The following MAPKAP1 variants were observed in gnomAD, a reference collection of about 807,000 sequenced individuals.
The protein encoded by MAPKAP1 is MAPK associated protein 1, also known as target of rapamycin complex 2 subunit MAPKAP1.
Under a neutral mutation model 65.7 loss-of-function variants are expected in MAPKAP1, and 20 were observed. The observed-to-expected ratio is 0.30, with a 90% CI of 0.21 to 0.44. MAPKAP1 has a LOEUF of 0.44. Among genes scored for constraint, MAPKAP1 ranks in the 20% least tolerant of loss-of-function variants. The probability of loss-of-function intolerance (pLI) is 1.00; values close to 1 mark genes in which losing one functional copy is unlikely to be tolerated. For synonymous variants in MAPKAP1, 222 were observed against 244.3 expected, an observed-to-expected ratio of 0.91 and a Z score of 0.85; for missense variants, 423 against 648.0, an observed-to-expected ratio of 0.65 and a Z score of 3.77.
At chr9:125,453,635 T>C (rs1853047621) in intron 10 of MAPKAP1, among the ~76,000 whole-genome samples, 1 of 152,252 alleles carries the variant, frequency 6.6e-6, no homozygotes, top group African/African-American at 2.4e-5. Context: ...TTAATAAACT[T>C]TTTTGTATTC....
intron 7 of MAPKAP1, among the ~76,000 whole-genome samples, chr9:125,530,426 A>G (rs1356362085): frequency 6.6e-6 from 1 of 152,266 alleles, no homozygotes; most frequent in Non-Finnish European, 1.5e-5. Flanking sequence ...AGAAACAGCA[A>G]CAGGGTCTGT....
At chr9:125,453,845 C>T (rs537664236) in intron 10 of MAPKAP1, among the ~76,000 whole-genome samples, 7 of 152,270 alleles carry the variant, frequency 4.6e-5, no homozygotes, top group Admixed American at 1.3e-4. Flanking sequence ...AGTCTTTAAG[C>T]GATGAGAAGC....
At chr9:125,679,574 G>C (rs1488337104) in intron 1 of MAPKAP1, among the ~76,000 whole-genome samples, 2 of 151,846 alleles carry the variant, frequency 1.3e-5, no homozygotes, top group Non-Finnish European at 2.9e-5. Flanking sequence ...ACAGAGGAAG[G>C]GTTTACTTTA....
chr9:125,678,377 A>G lies in MAPKAP1; in HGVS notation c.-69-5734T>C, dbSNP rs538073190. ...CCTGCCTCAGCCTCCTGAGTAGCTA[A>G]GACTACAGGCGCCCGCCACCACGCC... On this transcript the variant is annotated intron_variant, in intron 1 of 11. Transcript: ENST00000265960. 4.0e-5 allele frequency among the ~76,000 whole-genome samples: 6 copies of G among 151,444 alleles called. No individual in the cohort carries two copies. In the South Asian group the frequency reaches 6.3e-4, roughly 16 times the overall value.
intron 1 of MAPKAP1, among the ~76,000 whole-genome samples, chr9:125,674,802 G>C (rs1834597080): frequency 6.6e-6 from 1 of 152,070 alleles, no homozygotes; most frequent in Non-Finnish European, 1.5e-5. Context: ...TGAGGCTAAT[G>C]GGAAATGCAA....
chr9:125,513,633 G>A (rs1205039945), intron 7 of MAPKAP1, among the ~76,000 whole-genome samples: 2 of 152,190 alleles, frequency 1.3e-5, no homozygotes, highest in East Asian at 3.8e-4. Flanking sequence ...ATGAGACAAT[G>A]CAGGACTTCC....
At chr9:125,456,149 C>CT (rs202117437) in intron 10 of MAPKAP1, among the ~76,000 whole-genome samples, 2 of 152,176 alleles carry the variant, frequency 1.3e-5, no homozygotes, top group African/African-American at 2.4e-5. Context: ...AATATGTCTT[C>CT]TTCGGCTGCT....
chr9:125,515,872 A>G (rs1375251724), intron 7 of MAPKAP1, among the ~76,000 whole-genome samples: 2 of 152,056 alleles, frequency 1.3e-5, no homozygotes, highest in African/African-American at 4.8e-5. Flanking sequence ...GCAAGCCCCA[A>G]AACTGTGAAG....
intron 5 of MAPKAP1, among the ~76,000 whole-genome samples, chr9:125,564,084 CT>C (rs1830976697): frequency 6.6e-6 from 1 of 152,184 alleles, no homozygotes; most frequent in African/African-American, 2.4e-5. Flanking sequence ...TGTGTTCTTG[CT>C]TTTCACAGTG....
In MAPKAP1 at chr9:125,627,648, A is replaced by T. The variant is rs538763168; in HGVS notation, c.498+30003T>A. Among the ~76,000 whole-genome samples the T allele has an allele frequency of 2.0e-5, 3 of 152,240 alleles. No individual in the cohort carries two copies. The South Asian group carries it at 6.2e-4, about 32-fold the overall frequency. ...ACTATGTTGCCTCAACCTCTCGAGTAGCTGGGACTACAGGTGTGTGCCACT... is the reference window on the plus strand; with the variant it reads ...ACTATGTTGCCTCAACCTCTCGAGTTGCTGGGACTACAGGTGTGTGCCACT... On this transcript the variant is annotated intron_variant, in intron 4 of 11. Transcript: ENST00000265960.
At chr9:125,688,876 T>A (rs770970221) in intron 1 of MAPKAP1, among the ~76,000 whole-genome samples, 2 of 152,202 alleles carry the variant, frequency 1.3e-5, no homozygotes, top group African/African-American at 2.4e-5. Flanking sequence ...GGAGTCAGGA[T>A]AGCCTGGCTC....
At chr9:125,681,428 T>TAA (rs2073253627) in intron 1 of MAPKAP1, among the ~76,000 whole-genome samples, 1 of 152,186 alleles carries the variant, frequency 6.6e-6, no homozygotes, top group Non-Finnish European at 1.5e-5. Flanking sequence ...CATGAGTGAT[T>TAA]AAGTCATCAG....
intron 10 of MAPKAP1, among the ~76,000 whole-genome samples, chr9:125,454,406 T>C (rs1007840797): frequency 1.2e-4 from 18 of 152,232 alleles, no homozygotes; most frequent in African/African-American, 4.1e-4. Context: ...TTACTACAAA[T>C]GAAACCTCAT....
intron 4 of MAPKAP1, among the ~76,000 whole-genome samples, chr9:125,609,018 A>G (rs1335789866): frequency 1.3e-5 from 2 of 152,182 alleles, no homozygotes; most frequent in Non-Finnish European, 2.9e-5. Flanking sequence ...ATACACAAGA[A>G]TTAGACTGAG....
chr9:125,567,692 C>A (rs1159885676), intron 5 of MAPKAP1: 2 of 152,192 alleles, frequency 1.3e-5, no homozygotes, highest in African/African-American at 2.4e-5. Flanking sequence ...GATCCAAGAA[C>A]CCTCTCTTGG....
At chr9:125,619,886 T>TA (rs1039074322) in intron 4 of MAPKAP1, among the ~76,000 whole-genome samples, 1 of 152,058 alleles carries the variant, frequency 6.6e-6, no homozygotes, top group Admixed American at 6.5e-5. Context: ...AATATATTTT[T>TA]AAAAAAATCT....
At chr9:125,689,883 T>TC (rs1835114964) in intron 1 of MAPKAP1, among the ~76,000 whole-genome samples, 3 of 152,026 alleles carry the variant, frequency 2.0e-5, no homozygotes, top group African/African-American at 7.3e-5. Flanking sequence ...GGTCAAGAGT[T>TC]CATGACCAGC....
intron 8 of MAPKAP1, among the ~76,000 whole-genome samples, chr9:125,490,078 A>G (rs1174779304): frequency 6.6e-6 from 1 of 152,214 alleles, no homozygotes; most frequent in East Asian, 1.9e-4. Context: ...GAATAACTGT[A>G]AATTCTAAAT....
intron 1 of MAPKAP1, among the ~76,000 whole-genome samples, chr9:125,681,016 A>G: frequency 6.6e-6 from 1 of 152,232 alleles, no homozygotes; most frequent in East Asian, 1.9e-4. Flanking sequence ...ATGTAACAAC[A>G]TATTTAATCC....
Sources: gnomAD v4.1 joint callset for allele counts (sites outside exome capture counted in the v4.1 genomes callset) on GRCh38, gnomAD v4.1.1 for gene constraint, MANE v1.5 for transcripts, NCBI Gene and HGNC (gene_info 2026-07-23, HGNC 2026-07-21) for gene names.